The following PTPRG variants were observed in gnomAD, a reference collection of about 807,000 sequenced individuals.
PTPRG encodes the protein protein tyrosine phosphatase receptor type G.
In PTPRG, 102 loss-of-function variants were observed where a neutral mutation model predicts 165.3. The ratio of observed to expected loss-of-function variants is 0.62; its 90% CI spans 0.53 to 0.73. The LOEUF (loss-of-function observed/expected upper bound fraction) is 0.73, where lower values mean the gene tolerates loss of function less well. PTPRG is among the 30% of genes least tolerant of loss of function. The pLI is 0.00. For synonymous variants in PTPRG, 675 were observed against 669.5 expected, an observed-to-expected ratio of 1.01 and a Z score of -0.13; for missense variants, 1,866 against 1,861.4, an observed-to-expected ratio of 1.00 and a Z score of -0.05.
In PTPRG at chr3:61,745,730, G is replaced by A. The variant is rs887460839; in HGVS notation, c.86-3148G>A. 2.6e-5 allele frequency among the ~76,000 whole-genome samples: 4 copies of A among 152,180 alleles called. No homozygotes were observed. In the East Asian group the frequency reaches 5.8e-4, roughly 22 times the overall value. ...CCTTATACCACATTGTGATGTATAT[G>A]TGTGTCTGGGGTGAAGTCCAAGGCA... On this transcript the variant is annotated intron_variant, in intron 1 of 29. Coordinates refer to ENST00000474889, the MANE Select transcript of PTPRG (RefSeq NM_002841.4).
intron 6 of PTPRG, among the ~76,000 whole-genome samples, chr3:62,136,697 C>T (rs1156769639): frequency 2.0e-5 from 3 of 152,160 alleles, no homozygotes; most frequent in African/African-American, 7.2e-5. Flanking sequence ...ATAAGTCTCA[C>T]AAGATCTGAT....
intron 1 of PTPRG, among the ~76,000 whole-genome samples, chr3:61,585,135 G>A (rs1480150222): frequency 6.6e-6 from 1 of 151,756 alleles, no homozygotes; most frequent in East Asian, 2.0e-4. Context: ...ACAAAAATTA[G>A]CCTGGTCTGA....
chr3:62,010,573 A>G (rs1466605988), intron 4 of PTPRG, among the ~76,000 whole-genome samples: 1 of 152,024 alleles, frequency 6.6e-6, no homozygotes, highest in Admixed American at 6.6e-5. Context: ...CCAGGCTGGT[A>G]GTGCTGGCTA....
chr3:61,604,140 A>G (rs9848768), intron 1 of PTPRG, among the ~76,000 whole-genome samples: 17,764 of 152,244 alleles, frequency 0.12, 1,165 homozygotes, highest in African/African-American at 0.17. Flanking sequence ...TCTGGCCAAC[A>G]TGGCAAAACC....
intron 12 of PTPRG, among the ~76,000 whole-genome samples, chr3:62,204,690 C>T (rs2106843856): frequency 6.6e-6 from 1 of 152,292 alleles, no homozygotes; most frequent in Admixed American, 6.5e-5. Context: ...CTGGGGAGAG[C>T]TGGTATTGGC....
intron 1 of PTPRG, among the ~76,000 whole-genome samples, chr3:61,647,575 A>G (rs922232732): frequency 7.2e-5 from 11 of 152,054 alleles, no homozygotes; most frequent in South Asian, 4.2e-4. Context: ...CGGATCACGA[A>G]GTCAGGAGAT....
In PTPRG at chr3:61,823,548, A is replaced by T. The variant is rs56248411; in HGVS notation, c.190+74566A>T. 3.4e-5 allele frequency among the ~76,000 whole-genome samples: 3 copies of T among 87,520 alleles called. No individual in the cohort carries two copies. The East Asian group carries it at 1.1e-3, about 33-fold the overall frequency. The allele number at this position is 87,520 out of a possible 152,430, so 57.4% of individuals were successfully genotyped here. A position where few individuals can be genotyped will look rare whatever the true frequency, so the allele number is the denominator to read the frequency against. The stretch of plus-strand genomic sequence containing the variant: ...ATTGCAGAGGAGCAAGTAGAACTTA[A>T]ATGTGTTATGCATTTTGGGTGTAAC... On this transcript the variant is annotated intron_variant, in intron 2 of 29. Coordinates refer to ENST00000474889, the MANE Select transcript of PTPRG (RefSeq NM_002841.4).
intron 12 of PTPRG, among the ~76,000 whole-genome samples, chr3:62,215,618 C>T (rs1405362924): frequency 1.5e-5 from 2 of 135,756 alleles, no homozygotes; most frequent in African/African-American, 5.5e-5. Flanking sequence ...TTGTGGAAAT[C>T]AAGTTTGAGC....
At chr3:61,606,102 A>G (rs7618681) in intron 1 of PTPRG, among the ~76,000 whole-genome samples, 14,761 of 152,238 alleles carry the variant, frequency 0.097, 805 homozygotes, top group East Asian at 0.21. Context: ...TGCGGTTTCC[A>G]TGGGTCATGA....
Position 61,746,208 on chromosome 3 carries a change from A to ATTTTTTTT in PTPRG, c.86-2649_86-2642dup, listed in dbSNP as rs750697053. Among the ~76,000 whole-genome samples, 60 of 81,322 alleles carry ATTTTTTTT rather than the reference A, an allele frequency of 7.4e-4. 2 individuals are homozygous for ATTTTTTTT. Among genetic ancestry groups the ATTTTTTTT allele is most frequent in the African/African-American group, 2.9e-3 (54 of 18,608 alleles). The allele number at this position is 81,322 out of a possible 152,430, so 53.4% of individuals were successfully genotyped here. On this transcript the variant is annotated intron_variant, in intron 1 of 29. Coordinates refer to ENST00000474889, the MANE Select transcript of PTPRG (RefSeq NM_002841.4). ...CAGGCGTGTGCCACCACACACTCTA[A>ATTTTTTTT]TTTTTTTTTTTTTTTTTTTTTTTTT...
At chr3:62,199,808 T>C (rs1700056437) in intron 10 of PTPRG, among the ~76,000 whole-genome samples, 1 of 152,232 alleles carries the variant, frequency 6.6e-6, no homozygotes, top group African/African-American at 2.4e-5. Flanking sequence ...AAAGTCATGT[T>C]GTTTAGCATT....
chr3:61,726,870 A>G (rs549084607), intron 1 of PTPRG, among the ~76,000 whole-genome samples: 3 of 152,210 alleles, frequency 2.0e-5, no homozygotes, highest in South Asian at 4.1e-4. Context: ...ACGCAGTGAA[A>G]TCCCGTCTCT....
At chr3:62,158,982 T>C (rs1704641366) in intron 7 of PTPRG, among the ~76,000 whole-genome samples, 1 of 152,038 alleles carries the variant, frequency 6.6e-6, no homozygotes, top group Admixed American at 6.6e-5. Flanking sequence ...TGGAAGGAAT[T>C]TTTTTTTCAA....
intron 6 of PTPRG, among the ~76,000 whole-genome samples, chr3:62,150,063 C>T (rs1042481623): frequency 6.6e-6 from 1 of 152,178 alleles, no homozygotes; most frequent in Non-Finnish European, 1.5e-5. Flanking sequence ...TCAAATGTTT[C>T]CTTCTCAGTG....
rs370508461 is a variant in PTPRG at position 62,237,398 on chromosome 3, C to G, written c.2375+6087C>G. Among the ~76,000 whole-genome samples, 1 of 151,974 alleles carries G rather than the reference C, an allele frequency of 6.6e-6. No individual in the cohort carries two copies. Among genetic ancestry groups the G allele is most frequent in the African/African-American group, 2.4e-5 (1 of 41,370 alleles). On this transcript the variant is annotated intron_variant, in intron 14 of 29. Coordinates refer to ENST00000474889, the MANE Select transcript of PTPRG (RefSeq NM_002841.4). The surrounding 1 kb of genome is among the most constrained non-coding windows in gnomAD (Gnocchi z 4.5). ...ATAAAGGACTGTCAGAGCAGCTGGGCGTGTGTGTGTTTCATTAGTCAAGAA... is the reference window on the plus strand; with the variant it reads ...ATAAAGGACTGTCAGAGCAGCTGGGGGTGTGTGTGTTTCATTAGTCAAGAA...
At chr3:62,179,711 C>G (rs1016421879) in intron 8 of PTPRG, among the ~76,000 whole-genome samples, 2 of 152,242 alleles carry the variant, frequency 1.3e-5, no homozygotes, top group African/African-American at 2.4e-5. Context: ...AGCCTGGTCT[C>G]TCCATCAACT....
chr3:61,768,403 T>C (rs957119287), intron 2 of PTPRG, among the ~76,000 whole-genome samples: 1 of 152,254 alleles, frequency 6.6e-6, no homozygotes, highest in Non-Finnish European at 1.5e-5. Flanking sequence ...AGAGTTTCTC[T>C]GCACAAAAAG....
Position 62,219,129 on chromosome 3 carries a change from GTC to G in PTPRG, c.2288+150_2288+151del. The G allele has an allele frequency of 8.9e-7, 1 of 1,118,480 alleles. No individual in the cohort carries two copies. The highest frequency in any genetic ancestry group is 1.3e-6 in the Non-Finnish European group (1 of 788,762). The allele number at this position is 1,118,480 out of a possible 1,614,324, so 69.3% of individuals were successfully genotyped here. A position where few individuals can be genotyped will look rare whatever the true frequency, so the allele number is the denominator to read the frequency against. The stretch of plus-strand genomic sequence containing the variant: ...GTCTTGCCACCCGGAAGGCCATCTT[GTC>G]TCTGTTAGATGATGGCAGGGCCAGA... On this transcript the variant is annotated intron_variant, in intron 13 of 29. Transcript: ENST00000474889. This position sits in a 1 kb window ranked among gnomAD's most constrained non-coding sequence, Gnocchi z 4.5.
intron 1 of PTPRG, among the ~76,000 whole-genome samples, chr3:61,725,866 G>C (rs2032235812): frequency 6.6e-6 from 1 of 152,014 alleles, no homozygotes; most frequent in Non-Finnish European, 1.5e-5. Context: ...TTCCTTTCTG[G>C]ATTCCAATTT....
Sources: allele counts gnomAD v4.1 joint callset (sites outside exome capture counted in the v4.1 genomes callset), GRCh38; gene constraint gnomAD v4.1.1; non-coding constraint Gnocchi (gnomAD v3.1); transcripts MANE v1.5; gene names NCBI Gene and HGNC (gene_info 2026-07-23, HGNC 2026-07-21).